LMO3: variants seen among roughly 807,000 people sequenced by gnomAD.
LMO3 encodes LIM domain only 3, also known as LIM domain only protein 3.
In LMO3, 2 loss-of-function variants were observed where a neutral mutation model predicts 15.8. The ratio of observed to expected loss-of-function variants is 0.13; its 90% CI spans 0.05 to 0.40. LMO3 has a LOEUF of 0.40. Ranked by LOEUF, LMO3 falls within the 10% of genes least tolerant of loss-of-function variation. The pLI is 0.99. For synonymous variants in LMO3, 62 were observed against 63.8 expected (o/e 0.97, Z 0.13); for missense variants, 86 against 182.2 (o/e 0.47, Z 3.04).
chr12:16,607,900 C>G (rs1271638572), upstream of LMO3: 1 of 152,094 alleles, frequency 6.6e-6, no homozygotes. Context: ...GTTTGCTTTC[C>G]TCTCCCTTTA....
In LMO3 at chr12:16,584,739, C is replaced by T. The variant is rs578103068; in HGVS notation, c.206+15916G>A. Among the ~76,000 whole-genome samples the T allele has an allele frequency of 2.0e-5, 3 of 152,210 alleles. No homozygotes were observed. Among genetic ancestry groups the T allele is most frequent in the African/African-American group, 4.8e-5 (2 of 41,534 alleles). ...CAGCAAGAGATTTCTTTTATCAGGA[C>T]GGGCTGCTTCTCGCCTCACAAAGCA... is the stretch of plus-strand genomic sequence containing the variant. On this transcript the variant is annotated intron_variant, in intron 2 of 3. Transcript: ENST00000537304. This position sits in a 1 kb window ranked among gnomAD's most constrained non-coding sequence, Gnocchi z 5.2.
intron 2 of LMO3, among the ~76,000 whole-genome samples, chr12:16,566,798 TTC>T (rs1942629977): frequency 6.6e-6 from 1 of 152,176 alleles, no homozygotes; most frequent in Non-Finnish European, 1.5e-5. Flanking sequence ...CATATATTCA[TTC>T]TCTCTCCAAA....
chr12:16,604,945 A>C lies in LMO3; in HGVS notation c.-9+1121T>G. 3.1e-6 allele frequency: 5 copies of C among 1,598,296 alleles called. No individual in the cohort carries two copies. Among genetic ancestry groups the C allele is most frequent in the Non-Finnish European group, 8.5e-7 (1 of 1,179,728 alleles). On this transcript the variant is annotated intron_variant, in intron 1 of 3. Coordinates refer to ENST00000537304, the MANE Select transcript of LMO3 (RefSeq NM_018640.5). The surrounding 1 kb of genome is among the most constrained non-coding windows in gnomAD (Gnocchi z 5.3). ...AGCTTCGCATTGAGCACCAAACCCA[A>C]AGGTAGAAGTAGAAGGGGGTCTCCT...
chr12:16,577,687 C>T (rs1056891325), intron 2 of LMO3, among the ~76,000 whole-genome samples: 16 of 152,152 alleles, frequency 1.1e-4, no homozygotes, highest in African/African-American at 3.6e-4. Context: ...TCATTCTGCA[C>T]ACATCTAGAG....
chr12:16,552,559 T>C (rs929548907), intron 3 of LMO3, among the ~76,000 whole-genome samples: 1 of 152,116 alleles, frequency 6.6e-6, no homozygotes, highest in Non-Finnish European at 1.5e-5. Context: ...TTTATCCTTA[T>C]ACTAGCTAAG....
chr12:16,561,495 T>C (rs371154335), intron 2 of LMO3, among the ~76,000 whole-genome samples: 1 of 152,256 alleles, frequency 6.6e-6, no homozygotes, highest in African/African-American at 2.4e-5. Flanking sequence ...ATGGCTCTCA[T>C]GGGAAAGACC....
In LMO3 at chr12:16,548,570, C is replaced by G. The variant is rs760058958; in HGVS notation, c.*2652G>C. On this transcript the variant is annotated 3_prime_UTR_variant, in exon 4 of 4. Coordinates refer to ENST00000537304, the MANE Select transcript of LMO3 (RefSeq NM_018640.5). This position sits in a 1 kb window ranked among gnomAD's most constrained non-coding sequence, Gnocchi z 4.2. ...TGCGAGATGCATCTTAGGAAGGGAG[C>G]TTTCGCTGCTCAGAAATCAAAGCTC... 1.3e-5 allele frequency: 2 copies of G among 152,088 alleles called. No homozygotes were observed. 9.4% of individuals were successfully genotyped at this position (152,088 alleles called of 1,614,324 possible).
rs563661153 is a variant in LMO3 at position 16,584,853 on chromosome 12, C to G, written c.206+15802G>C. The stretch of plus-strand genomic sequence containing the variant: ...TATACATTGGATGAAGGGCTCTGAT[C>G]CTCTCTTCAAGAATTCAGGATGCGA... On this transcript the variant is annotated intron_variant, in intron 2 of 3. Coordinates refer to ENST00000537304, the MANE Select transcript of LMO3 (RefSeq NM_018640.5). The surrounding 1 kb of genome is among the most constrained non-coding windows in gnomAD (Gnocchi z 5.2). Among the ~76,000 whole-genome samples the G allele has an allele frequency of 6.6e-6, 1 of 152,244 alleles. No homozygotes were observed. Among genetic ancestry groups the G allele is most frequent in the South Asian group, 2.1e-4 (1 of 4,828 alleles).
In LMO3 at chr12:16,555,474, T is replaced by C. The variant is rs919872017; in HGVS notation, c.333-4147A>G. Among the ~76,000 whole-genome samples, 6 of 152,348 alleles carry C rather than the reference T, an allele frequency of 3.9e-5. No homozygotes were observed. The East Asian group carries it at 1.2e-3, about 29-fold the overall frequency. On this transcript the variant is annotated intron_variant, in intron 3 of 3. Transcript: ENST00000537304. This position sits in a 1 kb window ranked among gnomAD's most constrained non-coding sequence, Gnocchi z 5.5. The stretch of plus-strand genomic sequence containing the variant: ...TTCTTTTGAACCCTTTGCAGAACCA[T>C]CATAAACTGTACTACCACTTAAGGT...
Position 16,550,715 on chromosome 12 carries a change from A to G in LMO3, c.*507T>C, listed in dbSNP as rs1161476550. 1 of 152,890 alleles carries G rather than the reference A, an allele frequency of 6.5e-6. No homozygotes were observed. The highest frequency in any genetic ancestry group is 6.5e-5 in the Admixed American group (1 of 15,356). 9.5% of individuals were successfully genotyped at this position (152,890 alleles called of 1,614,324 possible). ...TTTTTAATGTTGATAGACTTGCTTT[A>G]TCTATCTGTGTATCATTAGTGAGAT... On this transcript the variant is annotated 3_prime_UTR_variant, in exon 4 of 4. Coordinates refer to ENST00000537304, the MANE Select transcript of LMO3 (RefSeq NM_018640.5).
chr12:16,557,230 A>C (rs910090986), intron 3 of LMO3, among the ~76,000 whole-genome samples: 6 of 152,160 alleles, frequency 3.9e-5, no homozygotes, highest in African/African-American at 1.4e-4. Context: ...AACCCTACTT[A>C]ATAGAAGAAA....
Position 16,599,805 on chromosome 12 carries a change from A to G in LMO3, c.206+850T>C, listed in dbSNP as rs1447637805. On this transcript the variant is annotated intron_variant, in intron 2 of 3. Coordinates refer to ENST00000537304, the MANE Select transcript of LMO3 (RefSeq NM_018640.5). This position sits in a 1 kb window ranked among gnomAD's most constrained non-coding sequence, Gnocchi z 4.1. ...GAAAACAAGCTTTAGTAGGCTTCAT[A>G]GCTCCATAACCAAGAACACCTGCCT... The G allele has an allele frequency of 1.3e-5, 2 of 152,184 alleles. No homozygotes were observed. The highest frequency in any genetic ancestry group is 2.9e-5 in the Non-Finnish European group (2 of 68,038). The allele number at this position is 152,184 out of a possible 1,614,324, so 9.4% of individuals were successfully genotyped here. A position where few individuals can be genotyped will look rare whatever the true frequency, so the allele number is the denominator to read the frequency against.
intron 3 of LMO3, among the ~76,000 whole-genome samples, chr12:16,554,750 G>C (rs962806124): frequency 6.6e-6 from 1 of 152,122 alleles, no homozygotes; most frequent in South Asian, 2.1e-4. Context: ...TCCGCCTCCC[G>C]GGTTCCCGCC....
At chr12:16,580,544 C>T (rs994731480) in intron 2 of LMO3, among the ~76,000 whole-genome samples, 3 of 152,016 alleles carry the variant, frequency 2.0e-5, no homozygotes, top group African/African-American at 4.8e-5. Flanking sequence ...TTTCTGGGGA[C>T]AACTAGAGAA....
At position 16,600,898 on chromosome 12, in the gene LMO3, C is replaced by G. The variant is rs775673273; in HGVS notation, c.-8-30G>C. On this transcript the variant is annotated intron_variant, in intron 1 of 3. Coordinates refer to ENST00000537304, the MANE Select transcript of LMO3 (RefSeq NM_018640.5). ...AGGAAGACAAAAGCAAAAAAGAGAGCTGAGACTACCAGACAGAATAAAAAG... is the reference window on the plus strand; with the variant it reads ...AGGAAGACAAAAGCAAAAAAGAGAGGTGAGACTACCAGACAGAATAAAAAG... The G allele has an allele frequency of 3.4e-6, 5 of 1,491,484 alleles. No individual in the cohort carries two copies. The Admixed American group carries it at 6.8e-5, about 20-fold the overall frequency. 92.4% of individuals were successfully genotyped at this position (1,491,484 alleles called of 1,614,324 possible).
chr12:16,575,449 C>T (rs1484391456), intron 2 of LMO3, among the ~76,000 whole-genome samples: 2 of 152,108 alleles, frequency 1.3e-5, no homozygotes, highest in African/African-American at 4.8e-5. Flanking sequence ...AATATCAATA[C>T]GAAATTTGGT....
At chr12:16,588,144 C>T (rs1280247501) in intron 2 of LMO3, among the ~76,000 whole-genome samples, 1 of 152,034 alleles carries the variant, frequency 6.6e-6, no homozygotes, top group Non-Finnish European at 1.5e-5. Context: ...CCAAGAAATG[C>T]TTAAAAAATT....
chr12:16,563,283 C>A (rs577917482), intron 2 of LMO3, among the ~76,000 whole-genome samples: 1 of 152,266 alleles, frequency 6.6e-6, no homozygotes, highest in East Asian at 1.9e-4. Context: ...ATCAAGAGAT[C>A]ATTCTATAGC....
rs1943918227 is a variant in LMO3 at position 16,604,274 on chromosome 12, T to C, written c.-9+1792A>G. On this transcript the variant is annotated intron_variant, in intron 1 of 3. Transcript: ENST00000537304. This position sits in a 1 kb window ranked among gnomAD's most constrained non-coding sequence, Gnocchi z 5.3. ...GCCCCCTAAGGGACAACAATGCAAA[T>C]AGATGTCCCCAGATCTCAGGCACTG... is the stretch of plus-strand genomic sequence containing the variant. Among the ~76,000 whole-genome samples the C allele has an allele frequency of 1.3e-5, 2 of 152,032 alleles. No individual in the cohort carries two copies. The highest frequency in any genetic ancestry group is 2.1e-4 in the South Asian group (1 of 4,824).
Sources: allele counts gnomAD v4.1 joint callset (sites outside exome capture counted in the v4.1 genomes callset), GRCh38; gene constraint gnomAD v4.1.1; non-coding constraint Gnocchi (gnomAD v3.1); transcripts MANE v1.5; gene names NCBI Gene and HGNC (gene_info 2026-07-23, HGNC 2026-07-21).